Variants in CSMD1 observed in about 807,000 individuals in gnomAD.
CSMD1 encodes the protein CUB and Sushi multiple domains 1, also known as CUB and sushi domain-containing protein 1.
CSMD1 carries 213 observed loss-of-function variants against 417.5 expected under a neutral mutation model. The ratio of observed to expected loss-of-function variants is 0.51; its 90% CI spans 0.46 to 0.57. CSMD1 has a LOEUF of 0.57. Among genes scored for constraint, CSMD1 ranks in the 20% least tolerant of loss-of-function variants. The pLI, the probability that CSMD1 is intolerant of heterozygous loss-of-function variation, is 0.00. For synonymous variants in CSMD1, 2,862 were observed against 1,736.8 expected (o/e 1.65, Z -16.11); for missense variants, 6,923 against 4,529.7 (o/e 1.53, Z -15.17).
At chr8:3,017,358 C>G (rs1032832759) in intron 52 of CSMD1, among the ~76,000 whole-genome samples, 1 of 152,148 alleles carries the variant, frequency 6.6e-6, no homozygotes, top group African/African-American at 2.4e-5. Flanking sequence ...GGACTTGTGA[C>G]TCTCTACATG....
chr8:3,861,632 G>C (rs1395158449), intron 5 of CSMD1, among the ~76,000 whole-genome samples: 2 of 152,184 alleles, frequency 1.3e-5, no homozygotes, highest in African/African-American at 4.8e-5. Context: ...GGTGAAGCTT[G>C]TTGTCTTGGA....
intron 3 of CSMD1, among the ~76,000 whole-genome samples, chr8:4,113,880 G>A (rs964973341): frequency 9.9e-5 from 15 of 152,164 alleles, no homozygotes; most frequent in African/African-American, 3.1e-4. Flanking sequence ...GGCTGAGAGA[G>A]GTAAGGAAGT....
Position 3,348,143 on chromosome 8 carries a change from A to C in CSMD1, c.3323T>G (p.Val1108Gly). The C allele has an allele frequency of 6.2e-7, 1 of 1,612,052 alleles. No individual in the cohort carries two copies. Among genetic ancestry groups the C allele is most frequent in the Non-Finnish European group, 8.5e-7 (1 of 1,179,086 alleles). Residue 1108 changes from valine (V) to glycine (G), a missense_variant, in exon 22 of 70, where the codon GTC (valine) becomes GGC (glycine). Transcript: ENST00000635120. ...CAGTAATGTTCCTTCATTTCCTTTG[A>C]CACTTGCTCCACATTCGGCTACAAT... ...PRCVAECGAS[V>G]KGNEGTLLSP... is the part of the protein sequence containing the mutation.
chr8:4,904,899 G>C (rs1272152408), intron 1 of CSMD1, among the ~76,000 whole-genome samples: 7 of 152,088 alleles, frequency 4.6e-5, no homozygotes, highest in African/African-American at 1.4e-4. Flanking sequence ...CAATGAAAAA[G>C]AGCCTGCAAG....
chr8:3,175,446 C>A (rs932054831), intron 37 of CSMD1, among the ~76,000 whole-genome samples: 1 of 141,900 alleles, frequency 7.0e-6, no homozygotes, highest in African/African-American at 2.6e-5. Context: ...CCCTTCCCTC[C>A]CTCCCTTCCT....
chr8:4,037,920 G>C (rs193036902), intron 3 of CSMD1, among the ~76,000 whole-genome samples: 60 of 151,988 alleles, frequency 3.9e-4, no homozygotes, highest in East Asian at 1.9e-3. Context: ...AGTGGGAATA[G>C]GAAAAAAAGT....
intron 37 of CSMD1, among the ~76,000 whole-genome samples, chr8:3,167,728 G>A (rs946838142): frequency 1.3e-5 from 2 of 152,166 alleles, no homozygotes; most frequent in African/African-American, 4.8e-5. Context: ...GTCCTAATTT[G>A]ACCAAAAACA....
At chr8:3,039,276 CCTTCCTTCTTTTCCTTA>C in intron 50 of CSMD1, among the ~76,000 whole-genome samples, 1 of 111,392 alleles carries the variant, frequency 9.0e-6, no homozygotes, top group Middle Eastern at 4.2e-3. Context: ...CTTGACCCTT[CCTTCCTTCTTTTCCTTA>C]CTTCCTTCCT....
chr8:4,536,329 T>G (rs1797101584), intron 2 of CSMD1, among the ~76,000 whole-genome samples: 3 of 152,210 alleles, frequency 2.0e-5, no homozygotes, highest in Admixed American at 2.0e-4. Flanking sequence ...CACACACAAC[T>G]TCCCATTTCC....
chr8:3,449,612 G>A (rs1815558996), intron 12 of CSMD1, among the ~76,000 whole-genome samples: 1 of 151,942 alleles, frequency 6.6e-6, no homozygotes, highest in Non-Finnish European at 1.5e-5. Flanking sequence ...CTGCCTCTTG[G>A]GTTCAAGCAA....
At chr8:4,923,090 T>A (rs1456658918) in intron 1 of CSMD1, among the ~76,000 whole-genome samples, 2 of 152,188 alleles carry the variant, frequency 1.3e-5, no homozygotes, top group Admixed American at 6.5e-5. Flanking sequence ...AAAAATGATT[T>A]GAAATAAAGG....
At chr8:4,507,230 C>G (rs1027621514) in intron 2 of CSMD1, among the ~76,000 whole-genome samples, 2 of 152,096 alleles carry the variant, frequency 1.3e-5, no homozygotes, top group Non-Finnish European at 2.9e-5. Flanking sequence ...ATAGTAGATA[C>G]CCATGCAAAA....
chr8:2,963,933 A>C (rs1354059928), intron 59 of CSMD1, among the ~76,000 whole-genome samples: 1 of 152,208 alleles, frequency 6.6e-6, no homozygotes, highest in Non-Finnish European at 1.5e-5. Context: ...GTGTTTCATC[A>C]CAGCCTTGGA....
chr8:4,147,922 G>A (rs919940458), intron 3 of CSMD1, among the ~76,000 whole-genome samples: 3 of 152,110 alleles, frequency 2.0e-5, no homozygotes, highest in Admixed American at 6.5e-5. Flanking sequence ...GGCTCCTGCA[G>A]CACAAACTCT....
In CSMD1 at chr8:4,765,980, A is replaced by T. The variant is rs187795884; in HGVS notation, c.86-128422T>A. ...TCCAAACATTTATGTAAAGATTAAA[A>T]AATGTATTACATAGTTTGGCATTCA... On this transcript the variant is annotated intron_variant, in intron 1 of 69. Transcript: ENST00000635120. Among the ~76,000 whole-genome samples, 3 of 152,316 alleles carry T rather than the reference A, an allele frequency of 2.0e-5. No individual in the cohort carries two copies. In the East Asian group the frequency reaches 5.8e-4, roughly 29 times the overall value.
intron 1 of CSMD1, among the ~76,000 whole-genome samples, chr8:4,831,793 TTC>T (rs1800165741): frequency 6.6e-6 from 1 of 152,152 alleles, no homozygotes; most frequent in Non-Finnish European, 1.5e-5. Context: ...GCAGGTCCCC[TTC>T]AGGGACCAGC....
chr8:3,737,258 T>C (rs73658229), intron 6 of CSMD1, among the ~76,000 whole-genome samples: 1,845 of 152,252 alleles, frequency 0.012, 34 homozygotes, highest in African/African-American at 0.04. Context: ...TTGGGAGTAA[T>C]GGCCTATAAG....
intron 1 of CSMD1, among the ~76,000 whole-genome samples, chr8:4,724,540 G>A (rs927128823): frequency 6.0e-5 from 9 of 150,374 alleles, no homozygotes; most frequent in Non-Finnish European, 1.2e-4. Context: ...GTGTGTGTGT[G>A]TGTGTGTGTG....
intron 2 of CSMD1, among the ~76,000 whole-genome samples, chr8:4,617,359 G>A (rs938318542): frequency 6.6e-6 from 1 of 152,106 alleles, no homozygotes; most frequent in African/African-American, 2.4e-5. Flanking sequence ...TGTAAACAGA[G>A]CTGATTACAA....
Sources: allele counts gnomAD v4.1 joint callset (sites outside exome capture counted in the v4.1 genomes callset), GRCh38; gene constraint gnomAD v4.1.1; transcripts MANE v1.5; gene names NCBI Gene and HGNC (gene_info 2026-07-23, HGNC 2026-07-21).